Variants in MYH6 observed in about 807,000 individuals in gnomAD.
MYH6 encodes myosin-6.
Under a neutral mutation model 223.2 loss-of-function variants are expected in MYH6, and 126 were observed. That is an observed-to-expected ratio of 0.56 (90% confidence interval 0.49 to 0.65). The LOEUF is 0.65. Among genes scored for constraint, MYH6 ranks in the 30% least tolerant of loss-of-function variants. The pLI is 0.00. For synonymous variants in MYH6, 978 were observed against 1,010.2 expected (o/e 0.97, Z 0.61); for missense variants, 2,040 against 2,536.4 (o/e 0.80, Z 4.20).
rs1354059537 is a variant in MYH6, at chr14:23,403,695, G to GCC, written c.799+18_799+19dup. Reference sequence around the variant, plus strand: ...GCAGAGGGGGACCTAGAGGGTGGCAGCCTCCCTGCTGGTACTCACAGGTCT... The same window carrying GCC: ...GCAGAGGGGGACCTAGAGGGTGGCAGCCCCTCCCTGCTGGTACTCACAGGTCT... On this transcript the variant is annotated intron_variant, in intron 9 of 38. Coordinates refer to ENST00000405093, the MANE Select transcript of MYH6 (RefSeq NM_002471.4). 2 of 1,607,420 alleles carry GCC rather than the reference G, an allele frequency of 1.2e-6. No individual in the cohort carries two copies. The highest frequency in any genetic ancestry group is 2.7e-5 in the African/African-American group (2 of 74,862).
chr14:23,401,025 A>G (rs1287381583), intron 12 of MYH6, 48 bp from the exon 13 acceptor site: 2 of 1,568,860 alleles, frequency 1.3e-6, no homozygotes, highest in African/African-American at 2.8e-5. Flanking sequence ...TTTTTTTTTT[A>G]AGATAGAGGC....
In MYH6 at chr14:23,397,289, C is replaced by A. The variant is rs77612032; in HGVS notation, c.1963-32G>T. On this transcript the variant is annotated intron_variant, in intron 16 of 38. Coordinates refer to ENST00000405093, the MANE Select transcript of MYH6 (RefSeq NM_002471.4). ...GCAGATGAAGGTGGGGAGTTAGGAG[C>A]CACAAGGACCATCCCTTAGGCCCTT... The A allele has an allele frequency of 4.4e-4, 696 of 1,592,122 alleles. 1 individual carries two copies. The African/African-American group carries it at 7.5e-3, about 17-fold the overall frequency.
In MYH6 at chr14:23,389,578, G is replaced by T. The variant is rs373872169; in HGVS notation, c.3859+15C>A. On this transcript the variant is annotated intron_variant, in intron 27 of 38. Coordinates refer to ENST00000405093, the MANE Select transcript of MYH6 (RefSeq NM_002471.4). The stretch of plus-strand genomic sequence containing the variant: ...ATGTCCTGCCCTAGGCAGGGGGTTG[G>T]TTAGGGGCACCCACCATTCTCGGTC... 6.2e-7 allele frequency: 1 copy of T among 1,614,236 alleles called. No individual in the cohort carries two copies. The highest frequency in any genetic ancestry group is 8.5e-7 in the Non-Finnish European group (1 of 1,180,036).
At chr14:23,397,386 G>A (rs1326633106) in intron 16 of MYH6, 129 bp from the exon 17 acceptor site, 10 of 1,260,300 alleles carry the variant, frequency 7.9e-6, no homozygotes, top group African/African-American at 3.0e-5. Flanking sequence ...TTTGTGACGT[G>A]AGTTCAGGCT....
Position 23,407,377 on chromosome 14 carries a change from A to G in MYH6, c.-13-141T>C. The G allele has an allele frequency of 8.9e-7, 1 of 1,126,126 alleles. No homozygotes were observed. The highest frequency in any genetic ancestry group is 1.3e-6 in the Non-Finnish European group (1 of 783,054). The allele number at this position is 1,126,126 out of a possible 1,614,324, so 69.8% of individuals were successfully genotyped here. A position where few individuals can be genotyped will look rare whatever the true frequency, so the allele number is the denominator to read the frequency against. On this transcript the variant is annotated intron_variant, in intron 2 of 38. Transcript: ENST00000405093. The surrounding 1 kb of genome is among the most constrained non-coding windows in gnomAD (Gnocchi z 5.6). ...GGCACCTGCTGTTGCACCCTCCCCT[A>G]CTCAGGGCTCTGCTTCTCCTGCCCT...
At position 23,402,717 on chromosome 14, in the gene MYH6, C is replaced by A; in HGVS notation, c.982G>T (p.Glu328Ter). 6.2e-7 allele frequency: 1 copy of A among 1,613,574 alleles called. No homozygotes were observed. The highest frequency in any genetic ancestry group is 8.5e-7 in the Non-Finnish European group (1 of 1,179,958). ...EVSVASIDDS[E>*]ELMATDSAFD... ...CTCACATCGGTGGCCATGAGCTCCT[C>A]GGAGTCATCAATGGAGGCCACGGAC... Residue 328 changes from glutamate to a stop codon, truncating the protein, a stop_gained, in exon 11 of 39, where the codon GAG becomes TAG. Coordinates refer to ENST00000405093, the MANE Select transcript of MYH6 (RefSeq NM_002471.4). LOFTEE classifies it high-confidence loss of function.
At chr14:23,408,270 CTCTA>C (rs776203112) in exon 1 of MYH6, 20 of 985,450 alleles carry the variant, frequency 2.0e-5, no homozygotes, top group Non-Finnish European at 2.4e-5. Context: ...GCAGGAGTCT[CTCTA>C]TCTGTCCTCA....
rs143825034 is a variant in MYH6 at position 23,392,601 on chromosome 14, C to T, written c.3303G>A (p.Val1101=). ...GTTTCTTCTGTAGTTGAAGGGCCAG[C>T]ACCTGCTCATCCTCAATCTTACTGT... ...QQNSKIEDEQ[V]LALQLQKKLK... Residue 1101 remains valine (V), a synonymous_variant, in exon 25 of 39, where the codon GTG becomes GTA. Coordinates refer to ENST00000405093, the MANE Select transcript of MYH6 (RefSeq NM_002471.4). 239 of 1,613,024 alleles carry T rather than the reference C, an allele frequency of 1.5e-4. No homozygotes were observed. The African/African-American group carries it at 2.8e-3, about 19-fold the overall frequency.
intron 26 of MYH6, 32 bp downstream of exon 26, chr14:23,390,025 G>T: frequency 6.2e-7 from 1 of 1,613,582 alleles, no homozygotes; most frequent in Non-Finnish European, 8.5e-7. Flanking sequence ...CTGTGCAGGG[G>T]AGAGGGCGAG....
At position 23,389,526 on chromosome 14, in the gene MYH6, A is replaced by G; in HGVS notation, c.3860-15T>C. The G allele has an allele frequency of 6.2e-7, 1 of 1,614,088 alleles. No individual in the cohort carries two copies. Among genetic ancestry groups the G allele is most frequent in the Non-Finnish European group, 8.5e-7 (1 of 1,180,016 alleles). On this transcript the variant is annotated splice_polypyrimidine_tract_variant and intron_variant, in intron 27 of 38. Coordinates refer to ENST00000405093, the MANE Select transcript of MYH6 (RefSeq NM_002471.4). ...GGCCAACTCTCCTGGAGGTGAAATG[A>G]GGGGCTTGTGGGCCATTTCACAAGT... is the stretch of plus-strand genomic sequence containing the variant.
intron 29 of MYH6, chr14:23,388,544 T>C: frequency 1.1e-6 from 1 of 907,566 alleles, no homozygotes; most frequent in African/African-American, 1.6e-5. Flanking sequence ...CATCTGGGTG[T>C]CAGTGCCCCC....
chr14:23,382,702 A>G lies in MYH6; in HGVS notation c.5662-140T>C, dbSNP rs113318541. Reference sequence around the variant, plus strand: ...TTCCTGCAACAGCCTTCCCAAGGGTATCCTGCAACTGCCTTGCACTCTTCT... The same window carrying G: ...TTCCTGCAACAGCCTTCCCAAGGGTGTCCTGCAACTGCCTTGCACTCTTCT... On this transcript the variant is annotated intron_variant, in intron 37 of 38. Transcript: ENST00000405093. The G allele has an allele frequency of 4.4e-5, 55 of 1,252,182 alleles. 1 individual carries two copies. In the African/African-American group the frequency reaches 5.6e-4, roughly 13 times the overall value. The allele number at this position is 1,252,182 out of a possible 1,614,324, so 77.6% of individuals were successfully genotyped here.
At chr14:23,402,676 C>G in intron 11 of MYH6, 21 bp downstream of exon 11, 1 of 1,613,478 alleles carries the variant, frequency 6.2e-7, no homozygotes, top group Admixed American at 1.7e-5. Flanking sequence ...CTCGAACGGC[C>G]GCAGCAGCCC....
At chr14:23,382,341 G>A in intron 38 of MYH6, 87 bp downstream of exon 38, 1 of 1,586,046 alleles carries the variant, frequency 6.3e-7, no homozygotes, top group African/African-American at 1.3e-5. Context: ...CTACATATAG[G>A]GCAAGCAGTG....
rs753444140 is a variant in MYH6, at chr14:23,402,497, G to A, written c.1108C>T (p.Arg370Trp). The change falls in exon 12 of 39, where the codon CGG becomes TGG. Residue 370 changes from arginine (R) to tryptophan (W), a missense_variant. Coordinates refer to ENST00000405093, the MANE Select transcript of MYH6 (RefSeq NM_002471.4). Reference protein sequence around the residue: ...YGNMKFKQKQREEQAEPDGTE... With the variant: ...YGNMKFKQKQWEEQAEPDGTE... ...CCGTCTGGCTCCGCCTGCTCCTCCC[G>A]CTGCTTCTGCTTGAACTTCATGTTC... is the stretch of plus-strand genomic sequence containing the variant. 29 of 1,613,274 alleles carry A rather than the reference G, an allele frequency of 1.8e-5. No homozygotes were observed. The highest frequency in any genetic ancestry group is 7.7e-5 in the South Asian group (7 of 91,046).
At position 23,394,168 on chromosome 14, in the gene MYH6, T is replaced by G; in HGVS notation, c.2585A>C (p.Lys862Thr). The change falls in exon 21 of 39, where the codon AAA (lysine) becomes ACA (threonine). Residue 862 changes from lysine (K) to threonine (T), a missense_variant. By Grantham distance (78) the Lys-to-Thr change is moderately conservative. Coordinates refer to ENST00000405093, the MANE Select transcript of MYH6 (RefSeq NM_002471.4). ...AGCCTCGGACTTCTCCAGCGTCTCT[T>G]TGATGCGCCCGAACTCTTCCTTCAT... ...ATMKEEFGRI[K>T]ETLEKSEARR... 1 of 1,614,228 alleles carries G rather than the reference T, an allele frequency of 6.2e-7. No homozygotes were observed. The highest frequency in any genetic ancestry group is 8.5e-7 in the Non-Finnish European group (1 of 1,180,036).
At chr14:23,397,934 CTTCTTCTTCTT>C (rs1891454735) in intron 15 of MYH6, among the ~76,000 whole-genome samples, 1 of 56,518 alleles carries the variant, frequency 1.8e-5, no homozygotes, top group Non-Finnish European at 3.6e-5. Flanking sequence ...TCCTCCTCCT[CTTCTTCTTCTT>C]CTTCTTCTTC....
At position 23,388,230 on chromosome 14, in the gene MYH6, C is replaced by A. The variant is rs1259189606; in HGVS notation, c.4284G>T (p.Glu1428Asp). The A allele has an allele frequency of 4.3e-6, 7 of 1,612,672 alleles. No individual in the cohort carries two copies. In the Admixed American group the frequency reaches 6.7e-5, roughly 15 times the overall value. ...KTKHRLQNEI[E>D]DLMVDVERSN... ...AGCGCTCTACGTCCACCATCAAGTC[C>A]TCTATCTCATTCTGTAGCCGGTGCT... is the stretch of plus-strand genomic sequence containing the variant. The change falls in exon 30 of 39, where the codon GAG becomes GAT. Residue 1428 changes from glutamate to aspartate, a missense_variant. By Grantham distance (45) the Glu-to-Asp change is conservative. This residue lies in a region of MYH6 where 1,203 missense variants were observed against 1,400.2 expected (regional missense o/e 0.86). Transcript: ENST00000405093.
Position 23,396,677 on chromosome 14 carries a change from T to C in MYH6, c.2292+17A>G, listed in dbSNP as rs767356570. The C allele has an allele frequency of 1.7e-5, 27 of 1,614,018 alleles. No individual in the cohort carries two copies. The highest frequency in any genetic ancestry group is 1.0e-4 in the Admixed American group (6 of 60,012). ...GGCCACCTGCCCTGCAACCACCCAG[T>C]GGGGCTCTAGACTCACCTTGGTGTG... is the stretch of plus-strand genomic sequence containing the variant. On this transcript the variant is annotated intron_variant, in intron 19 of 38. Transcript: ENST00000405093.
Sources: allele counts gnomAD v4.1 joint callset (sites outside exome capture counted in the v4.1 genomes callset), GRCh38; gene constraint gnomAD v4.1.1; regional missense constraint gnomAD v4.1.1; non-coding constraint Gnocchi (gnomAD v3.1); transcripts MANE v1.5; gene names NCBI Gene and HGNC (gene_info 2026-07-23, HGNC 2026-07-21).